The following SCARB2 variants were observed in gnomAD, a reference collection of about 807,000 sequenced individuals.
SCARB2 encodes the protein lysosome membrane protein 2.
SCARB2 carries 29 observed loss-of-function variants against 58.6 expected under a neutral mutation model. That is an observed-to-expected ratio of 0.49 (90% CI 0.37 to 0.67). The LOEUF is 0.67. Among genes scored for constraint, SCARB2 ranks in the 30% least tolerant of loss-of-function variants. SCARB2 has a pLI of 0.00. For missense variants in SCARB2, 488 were observed against 578.5 expected (o/e 0.84, Z 1.60); for synonymous variants, 195 against 210.1 (o/e 0.93, Z 0.62).
At position 76,234,210 on chromosome 4, in the gene SCARB2, C is replaced by A. The variant is rs560201461; in HGVS notation, c.-358+93G>T. 351 of 152,460 alleles carry A rather than the reference C, an allele frequency of 2.3e-3. 1 individual carries two copies. The highest frequency in any genetic ancestry group is 2.9e-3 in the Non-Finnish European group (200 of 68,174). The allele number at this position is 152,460 out of a possible 1,614,324, so 9.4% of individuals were successfully genotyped here. On this transcript the variant is annotated intron_variant, in intron 1 of 11. Transcript: ENST00000638295. ...GCCATGAAAAGGCTGGGGAGCAATGCGGGGGTGTGGGCATGATTTCCCCCA... is the reference window on the plus strand; with the variant it reads ...GCCATGAAAAGGCTGGGGAGCAATGAGGGGGTGTGGGCATGATTTCCCCCA...
chr4:76,208,657 G>A (rs954831807), intron 1 of SCARB2, among the ~76,000 whole-genome samples: 2 of 152,114 alleles, frequency 1.3e-5, no homozygotes, highest in Non-Finnish European at 2.9e-5. Context: ...TTCCACTTTC[G>A]GTTGTCCTCT....
chr4:76,201,939 A>C (rs1419576658), intron 1 of SCARB2, among the ~76,000 whole-genome samples: 1 of 152,220 alleles, frequency 6.6e-6, no homozygotes, highest in Non-Finnish European at 1.5e-5. Context: ...CTTTGTGCTA[A>C]GCCACTGTTC....
intron 1 of SCARB2, among the ~76,000 whole-genome samples, chr4:76,201,383 G>GT (rs1267713644): frequency 1.3e-5 from 2 of 152,134 alleles, no homozygotes; most frequent in African/African-American, 2.4e-5. Context: ...ACTAAGAACT[G>GT]TATCTTTTTC....
At chr4:76,181,953 G>A (rs1184601142) in intron 2 of SCARB2, among the ~76,000 whole-genome samples, 1 of 152,134 alleles carries the variant, frequency 6.6e-6, no homozygotes, top group Non-Finnish European at 1.5e-5. Flanking sequence ...CTGGTGCCAG[G>A]GCTGGGCCTA....
intron 6 of SCARB2, chr4:76,174,672 A>G: frequency 3.3e-6 from 1 of 300,646 alleles, no homozygotes; most frequent in South Asian, 3.1e-5. Context: ...AAGCCAGGGA[A>G]GCCAGGGCAC....
chr4:76,221,213 C>T (rs567860861), intron 1 of SCARB2, among the ~76,000 whole-genome samples: 5 of 152,238 alleles, frequency 3.3e-5, no homozygotes, highest in Non-Finnish European at 7.3e-5. Flanking sequence ...AGCCCAGCAG[C>T]CTTCACCTGC....
chr4:76,188,315 C>T (rs933128178), intron 2 of SCARB2, among the ~76,000 whole-genome samples: 1 of 152,252 alleles, frequency 6.6e-6, no homozygotes, highest in African/African-American at 2.4e-5. Flanking sequence ...CAGGGCTGCT[C>T]AATCTGCAGC....
At chr4:76,177,700 G>C (rs1213648777) in intron 4 of SCARB2, among the ~76,000 whole-genome samples, 5 of 152,148 alleles carry the variant, frequency 3.3e-5, no homozygotes, top group African/African-American at 1.2e-4. Flanking sequence ...GTTATAAAAA[G>C]GAATGGAACA....
At position 76,159,854 on chromosome 4, in the gene SCARB2, A is replaced by G. The variant is rs148519544; in HGVS notation, c.*1859T>C. 4 of 152,364 alleles carry G rather than the reference A, an allele frequency of 2.6e-5. No homozygotes were observed. In the East Asian group the frequency reaches 7.7e-4, roughly 29 times the overall value. 9.4% of individuals were successfully genotyped at this position (152,364 alleles called of 1,614,324 possible). Reference sequence around the variant, plus strand: ...TAAAATATCCTCCTCACAGATGATTATATCCTGATAATAGGACTAAACCAA... The same window carrying G: ...TAAAATATCCTCCTCACAGATGATTGTATCCTGATAATAGGACTAAACCAA... On this transcript the variant is annotated 3_prime_UTR_variant, in exon 12 of 12. Transcript: ENST00000264896.
chr4:76,190,202 G>A (rs1486434114), intron 2 of SCARB2, among the ~76,000 whole-genome samples: 2 of 151,892 alleles, frequency 1.3e-5, no homozygotes, highest in East Asian at 3.9e-4. Flanking sequence ...TAAAGACGGA[G>A]TTTTGCTATG....
At chr4:76,197,551 G>C (rs1161444265) in intron 1 of SCARB2, among the ~76,000 whole-genome samples, 1 of 152,176 alleles carries the variant, frequency 6.6e-6, no homozygotes, top group African/African-American at 2.4e-5. Context: ...TATAAGCAAC[G>C]AGACTGGGGA....
rs147965262 is a variant in SCARB2 at position 76,168,602 on chromosome 4, A to C, written c.1114-126T>G. On this transcript the variant is annotated intron_variant, in intron 8 of 11. Coordinates refer to ENST00000264896, the MANE Select transcript of SCARB2 (RefSeq NM_005506.4). ...GACCATTACCATGTGTGACAGGCAGAGTGGAAACAAGTAAAAGTGATCCCC... is the reference window on the plus strand; with the variant it reads ...GACCATTACCATGTGTGACAGGCAGCGTGGAAACAAGTAAAAGTGATCCCC... The C allele has an allele frequency of 1.0e-3, 778 of 750,918 alleles. 2 individuals carry two copies. Among genetic ancestry groups the C allele is most frequent in the Middle Eastern group, 5.2e-3 (14 of 2,702 alleles). 46.5% of individuals were successfully genotyped at this position (750,918 alleles called of 1,614,324 possible). A position where few individuals can be genotyped will look rare whatever the true frequency, so the allele number is the denominator to read the frequency against.
intron 1 of SCARB2, among the ~76,000 whole-genome samples, chr4:76,227,033 G>A (rs1482316687): frequency 3.3e-5 from 5 of 150,900 alleles, no homozygotes; most frequent in African/African-American, 4.9e-5. Context: ...ATCTAGTTCC[G>A]CCCTGACCTT....
At chr4:76,214,095 C>T (rs763484556), upstream of SCARB2, 1 of 373,402 alleles carries the variant, frequency 2.7e-6, no homozygotes, top group South Asian at 1.9e-5. Flanking sequence ...GAACCTGGTT[C>T]ACACACTCAT....
intron 8 of SCARB2, 91 bp from the exon 9 acceptor site, chr4:76,168,567 T>A: frequency 9.6e-7 from 1 of 1,041,734 alleles, no homozygotes; most frequent in South Asian, 1.3e-5. Flanking sequence ...GTAGTCCTCA[T>A]AAACAAGGTG....
chr4:76,180,332 T>C (rs989891771), intron 3 of SCARB2: 6 of 152,338 alleles, frequency 3.9e-5, no homozygotes, highest in African/African-American at 1.4e-4. Flanking sequence ...CACTCCAGCC[T>C]GGGCGACAGA....
intron 2 of SCARB2, chr4:76,194,696 C>A (rs75997554): frequency 6.6e-6 from 1 of 152,214 alleles, no homozygotes; most frequent in African/African-American, 2.4e-5. Context: ...TGTCTGCTTC[C>A]TCTATTAATT....
At chr4:76,200,000 G>A (rs1024288333) in intron 1 of SCARB2, among the ~76,000 whole-genome samples, 1 of 152,206 alleles carries the variant, frequency 6.6e-6, no homozygotes, top group African/African-American at 2.4e-5. Flanking sequence ...AGCTTGCTCG[G>A]CAAAGGAAGG....
rs1553947630 is a variant in SCARB2 at position 76,169,992 on chromosome 4, T to C, written c.995-7A>G. The stretch of plus-strand genomic sequence containing the variant: ...GACATAATGATGGGTGCACCTGCAT[T>C]TGAAGGAAAACAGAAATGAATGATG... On this transcript the variant is annotated splice_region_variant and splice_polypyrimidine_tract_variant and intron_variant, in intron 7 of 11. Coordinates refer to ENST00000264896, the MANE Select transcript of SCARB2 (RefSeq NM_005506.4). 1.9e-6 allele frequency: 3 copies of C among 1,604,968 alleles called. No homozygotes were observed. The highest frequency in any genetic ancestry group is 2.6e-6 in the Non-Finnish European group (3 of 1,172,150).
Sources: allele counts gnomAD v4.1 joint callset (sites outside exome capture counted in the v4.1 genomes callset), GRCh38; gene constraint gnomAD v4.1.1; transcripts MANE v1.5; gene names NCBI Gene and HGNC (gene_info 2026-07-23, HGNC 2026-07-21).